The following FBXL13 variants were observed in gnomAD, a reference collection of about 807,000 sequenced individuals.
FBXL13 encodes F-box and leucine rich repeat protein 13, also known as F-box and leucine-rich repeat protein 13.
A neutral mutation model predicts 83.6 loss-of-function variants in FBXL13; 67 were observed. The ratio of observed to expected loss-of-function variants is 0.80; its 90% CI spans 0.66 to 0.98. FBXL13 has a LOEUF of 0.98. Ranked by LOEUF, FBXL13 falls within the 50% of genes least tolerant of loss-of-function variation. FBXL13 has a pLI of 0.00. For synonymous variants in FBXL13, 272 were observed against 299.5 expected (o/e 0.91, Z 0.95); for missense variants, 822 against 866.5 (o/e 0.95, Z 0.64).
At chr7:102,890,896 C>T (rs184609967) in intron 11 of FBXL13, among the ~76,000 whole-genome samples, 375 of 152,310 alleles carry the variant, frequency 2.5e-3, no homozygotes, top group African/African-American at 8.5e-3. Context: ...CTCACATTCT[C>T]ACAGCACTGC....
chr7:102,856,250 T>C (rs1772744336), intron 16 of FBXL13, among the ~76,000 whole-genome samples: 1 of 152,240 alleles, frequency 6.6e-6, no homozygotes, highest in Non-Finnish European at 1.5e-5. Flanking sequence ...ACATGTGGTC[T>C]GGGTTCCAGA....
exon 2 of FBXL13, chr7:103,055,683 A>G: frequency 7.8e-7 from 1 of 1,285,996 alleles, no homozygotes; most frequent in Non-Finnish European, 1.0e-6. Context: ...TATAACCATG[A>G]TCATTCCCTC....
chr7:102,988,392 G>C (rs1829222217), intron 6 of FBXL13: 1 of 152,162 alleles, frequency 6.6e-6, no homozygotes, highest in Non-Finnish European at 1.5e-5. Flanking sequence ...TGAGTATGAA[G>C]AACTAATTGG....
intron 16 of FBXL13, among the ~76,000 whole-genome samples, chr7:102,869,193 C>T (rs74394059): frequency 0.014 from 2,187 of 152,316 alleles, 47 homozygotes; most frequent in African/African-American, 0.049. Flanking sequence ...GAGGCAATAG[C>T]TCATTGCAGT....
intron 8 of FBXL13, among the ~76,000 whole-genome samples, chr7:102,960,786 C>T (rs1424609809): frequency 6.6e-6 from 1 of 150,818 alleles, no homozygotes; most frequent in African/African-American, 2.4e-5. Context: ...ATTCAACAAC[C>T]TTTCATGCTA....
At chr7:103,042,485 T>C (rs1281525247) in intron 2 of FBXL13, among the ~76,000 whole-genome samples, 3 of 152,122 alleles carry the variant, frequency 2.0e-5, no homozygotes, top group Non-Finnish European at 4.4e-5. Context: ...TTAAAGTTCA[T>C]ATGGAACCAA....
chr7:102,822,021 T>C lies in FBXL13; in HGVS notation c.2018+19A>G, dbSNP rs778157123. 9 of 1,613,234 alleles carry C rather than the reference T, an allele frequency of 5.6e-6. No homozygotes were observed. Among genetic ancestry groups the C allele is most frequent in the Non-Finnish European group, 7.6e-6 (9 of 1,179,430 alleles). On this transcript the variant is annotated intron_variant, in intron 19 of 19. Transcript: ENST00000313221. ...GAAAGTAGTTCTCAAAAGTTTGTCA[T>C]AGTCAGGTACATACTTACTTGGAAA...
chr7:102,836,716 T>TCA (rs1802053272), intron 17 of FBXL13, among the ~76,000 whole-genome samples: 2 of 152,308 alleles, frequency 1.3e-5, no homozygotes, highest in South Asian at 4.1e-4. Context: ...CTGAGCTGAG[T>TCA]CACAGTGTAG....
At chr7:102,947,200 A>G (rs1822674796) in intron 8 of FBXL13, among the ~76,000 whole-genome samples, 1 of 152,226 alleles carries the variant, frequency 6.6e-6, no homozygotes, top group South Asian at 2.1e-4. Context: ...ATAGGACCTG[A>G]AAGAGCCAAG....
intron 1 of FBXL13, among the ~76,000 whole-genome samples, chr7:103,057,348 G>C (rs946886967): frequency 6.6e-6 from 1 of 151,888 alleles, no homozygotes; most frequent in African/African-American, 2.4e-5. Context: ...CCAATCTGAA[G>C]ACATAACTAT....
intron 2 of FBXL13, among the ~76,000 whole-genome samples, chr7:103,034,246 T>G (rs553197410): frequency 1.3e-5 from 2 of 152,122 alleles, no homozygotes; most frequent in African/African-American, 4.8e-5. Flanking sequence ...GTGCCCACAC[T>G]CCTCAGCCAT....
chr7:103,051,089 C>T lies in FBXL13; in HGVS notation c.-1+4555G>A, dbSNP rs186185041. ...TATAAGCTGGAAGGAACTTAGTTTT[C>T]CAGAAATTAAGGATCTCATTTTTAC... On this transcript the variant is annotated intron_variant, in intron 2 of 19. Transcript: ENST00000313221. Among the ~76,000 whole-genome samples, 620 of 152,212 alleles carry T rather than the reference C, an allele frequency of 4.1e-3. 2 individuals are homozygous for T. The highest frequency in any genetic ancestry group is 6.8e-3 in the Middle Eastern group (2 of 294).
At chr7:102,817,508 T>C (rs887554281) in intron 19 of FBXL13, among the ~76,000 whole-genome samples, 3 of 152,224 alleles carry the variant, frequency 2.0e-5, no homozygotes, top group African/African-American at 4.8e-5. Context: ...TATTAGACCT[T>C]TGTCGGATGC....
chr7:103,037,802 G>A (rs2129490771), intron 2 of FBXL13, among the ~76,000 whole-genome samples: 1 of 152,210 alleles, frequency 6.6e-6, no homozygotes, highest in Admixed American at 6.5e-5. Context: ...GTGAGACCCT[G>A]TCTGTAAAAG....
intron 16 of FBXL13, among the ~76,000 whole-genome samples, chr7:102,864,394 G>A (rs1329332427): frequency 6.6e-6 from 1 of 151,456 alleles, no homozygotes; most frequent in Non-Finnish European, 1.5e-5. Flanking sequence ...TTAAGATGGA[G>A]TCTTCCTCTT....
chr7:102,903,939 C>CTTTT (rs1166655004), intron 11 of FBXL13, among the ~76,000 whole-genome samples: 26 of 43,448 alleles, frequency 6.0e-4, no homozygotes, highest in African/African-American at 8.2e-4. Context: ...CTTTTCTTTT[C>CTTTT]TTTTTTTTTT....
chr7:102,840,165 C>T (rs1046525914), intron 17 of FBXL13, among the ~76,000 whole-genome samples: 1 of 151,912 alleles, frequency 6.6e-6, no homozygotes, highest in Admixed American at 6.6e-5. Flanking sequence ...ATTGGGAAAA[C>T]CAAAAGGAAA....
intron 8 of FBXL13, chr7:102,944,252 C>T: frequency 6.2e-7 from 1 of 1,611,132 alleles, no homozygotes; most frequent in South Asian, 1.1e-5. Flanking sequence ...TTAGATTTAT[C>T]AAACAACAGT....
chr7:103,060,047 TATATATATATATATATAC>T lies in FBXL13; in HGVS notation c.-104-4318_-104-4301del. On this transcript the variant is annotated intron_variant, in intron 1 of 19. Transcript: ENST00000313221. Reference sequence around the variant, plus strand: ...ATATATATATATATATATATATATATATATATATATATATATACTTTTTTTTTTTTTTGAGACAAGGTC... The same window carrying T: ...ATATATATATATATATATATATATATTTTTTTTTTTTTTTGAGACAAGGTC... Among the ~76,000 whole-genome samples, 2 of 103,168 alleles carry T rather than the reference TATATATATATATATATAC, an allele frequency of 1.9e-5. 1 individual carries two copies. Among genetic ancestry groups the T allele is most frequent in the South Asian group, 6.1e-4 (2 of 3,298 alleles). The allele number at this position is 103,168 out of a possible 152,430, so 67.7% of individuals were successfully genotyped here.
Sources: allele counts gnomAD v4.1 joint callset (sites outside exome capture counted in the v4.1 genomes callset), GRCh38; gene constraint gnomAD v4.1.1; transcripts MANE v1.5; gene names NCBI Gene and HGNC (gene_info 2026-07-23, HGNC 2026-07-21).